Variants in MBTD1 observed in about 807,000 individuals in gnomAD.
The protein encoded by MBTD1 is mbt domain containing 1.
In MBTD1, 24 loss-of-function variants were observed where a neutral mutation model predicts 87.8. The ratio of observed to expected loss-of-function variants is 0.27; its 90% CI spans 0.20 to 0.38. The LOEUF is 0.38. Among genes scored for constraint, MBTD1 ranks in the 10% least tolerant of loss-of-function variants. The pLI is 1.00. For missense variants in MBTD1, 436 were observed against 760.2 expected, an observed-to-expected ratio of 0.57 and a Z score of 5.02; for synonymous variants, 237 against 248.6, an observed-to-expected ratio of 0.95 and a Z score of 0.44.
At chr17:51,213,956 A>G (rs1428888565) in intron 6 of MBTD1, among the ~76,000 whole-genome samples, 1 of 152,188 alleles carries the variant, frequency 6.6e-6, no homozygotes, top group Non-Finnish European at 1.5e-5. Flanking sequence ...ATGCTTAAAT[A>G]AAAGGTCTGA....
chr17:51,223,345 CAA>C (rs2053021844), intron 3 of MBTD1, among the ~76,000 whole-genome samples: 1 of 151,096 alleles, frequency 6.6e-6, no homozygotes, highest in Non-Finnish European at 1.5e-5. Context: ...CCAGCCTGGG[CAA>C]TATGGTGAAA....
chr17:51,243,609 A>G (rs1003085363), intron 2 of MBTD1, among the ~76,000 whole-genome samples: 2 of 152,202 alleles, frequency 1.3e-5, no homozygotes, highest in Non-Finnish European at 2.9e-5. Context: ...CAATATCTTT[A>G]TAGCATTTCC....
rs56090765 is a variant in MBTD1 at position 51,207,131 on chromosome 17, T to A, written c.487-126A>T. 2,578 of 532,188 alleles carry A rather than the reference T, an allele frequency of 4.8e-3. 17 individuals carry two copies. The highest frequency in any genetic ancestry group is 5.1e-3 in the Non-Finnish European group (1,566 of 304,650). 33.0% of individuals were successfully genotyped at this position (532,188 alleles called of 1,614,324 possible). ...AAAAATGTCATTTTAATTCCGTTTG[T>A]TTCCTAGAATTCTATCTGGAAAAAG... is the stretch of plus-strand genomic sequence containing the variant. On this transcript the variant is annotated intron_variant, in intron 6 of 16. Coordinates refer to ENST00000586178, the MANE Select transcript of MBTD1 (RefSeq NM_017643.3).
chr17:51,258,458 G>C (rs192870205), intron 2 of MBTD1, among the ~76,000 whole-genome samples: 1 of 151,486 alleles, frequency 6.6e-6, no homozygotes, highest in Admixed American at 6.6e-5. Flanking sequence ...CTCTAAACAA[G>C]TATTAAAATG....
chr17:51,239,412 T>TA (rs1330418561), intron 2 of MBTD1, among the ~76,000 whole-genome samples: 1 of 152,212 alleles, frequency 6.6e-6, no homozygotes, highest in Non-Finnish European at 1.5e-5. Context: ...ATTTATAAGT[T>TA]ACAACAATAC....
chr17:51,199,523 C>T (rs2051336247), intron 12 of MBTD1, among the ~76,000 whole-genome samples: 1 of 151,956 alleles, frequency 6.6e-6, no homozygotes, highest in African/African-American at 2.4e-5. Context: ...CTCACTGCAA[C>T]CTCCCCTTCC....
At chr17:51,248,053 C>T (rs180865654) in intron 2 of MBTD1, among the ~76,000 whole-genome samples, 4 of 152,180 alleles carry the variant, frequency 2.6e-5, no homozygotes, top group Admixed American at 2.6e-4. Context: ...TCTCAATTTC[C>T]TCTGTATCCA....
chr17:51,259,876 T>A lies in MBTD1; in HGVS notation c.-154A>T. On this transcript the variant is annotated 5_prime_UTR_variant, in exon 1 of 17. Coordinates refer to ENST00000586178, the MANE Select transcript of MBTD1 (RefSeq NM_017643.3). ...TCCATCAGGGCCTCATGGGTAGGGG[T>A]TGTCCGTGCTCCCCGAGCCCGCGGC... 8 of 1,231,614 alleles carry A rather than the reference T, an allele frequency of 6.5e-6. No individual in the cohort carries two copies. The South Asian group carries it at 2.1e-4, about 32-fold the overall frequency. 76.3% of individuals were successfully genotyped at this position (1,231,614 alleles called of 1,614,324 possible). A position where few individuals can be genotyped will look rare whatever the true frequency, so the allele number is the denominator to read the frequency against.
intron 16 of MBTD1, among the ~76,000 whole-genome samples, chr17:51,187,985 A>G (rs924587261): frequency 1.3e-5 from 2 of 152,216 alleles, no homozygotes; most frequent in African/African-American, 4.8e-5. Flanking sequence ...CAAAATCAAA[A>G]CTAAAAGGTA....
chr17:51,229,581 T>G (rs2053435952), intron 2 of MBTD1, among the ~76,000 whole-genome samples: 1 of 152,142 alleles, frequency 6.6e-6, no homozygotes. Flanking sequence ...ATGGAAATAT[T>G]ACATTACCAA....
intron 12 of MBTD1, among the ~76,000 whole-genome samples, chr17:51,200,707 T>A (rs994770058): frequency 6.7e-6 from 1 of 149,692 alleles, no homozygotes; most frequent in Non-Finnish European, 1.5e-5. Context: ...CTACAAAATA[T>A]ACAAAAATTA....
intron 3 of MBTD1, among the ~76,000 whole-genome samples, chr17:51,223,394 G>A (rs1203790873): frequency 6.6e-6 from 1 of 151,800 alleles, no homozygotes; most frequent in East Asian, 2.0e-4. Context: ...AAATTAGCCA[G>A]GTATGGTAGC....
chr17:51,219,039 C>T lies in MBTD1; in HGVS notation c.294G>A (p.Lys98=). The T allele has an allele frequency of 6.5e-7, 1 of 1,528,412 alleles. No individual in the cohort carries two copies. Among genetic ancestry groups the T allele is most frequent in the Non-Finnish European group, 8.9e-7 (1 of 1,126,018 alleles). 94.7% of individuals were successfully genotyped at this position (1,528,412 alleles called of 1,614,324 possible). The change falls in exon 5 of 17, where the codon AAG becomes AAA. Residue 98 remains lysine, a synonymous_variant. Transcript: ENST00000586178. ...KASILARLQG[K]PPTKKAKVLQ... is the part of the protein sequence containing the mutation. ...GAACTTTTGCTTTCTTTGTTGGAGG[C>T]TTACCCTAAAACAAGAAAAGTTAAG...
At chr17:51,221,924 G>A (rs548854037) in intron 3 of MBTD1, among the ~76,000 whole-genome samples, 2 of 152,290 alleles carry the variant, frequency 1.3e-5, no homozygotes, top group South Asian at 4.1e-4. Context: ...ACAAATCTAT[G>A]AGAAATCATG....
rs1313212296 is a variant in MBTD1 at position 51,179,504 on chromosome 17, A to ATT, written c.*1071_*1072insAA. The ATT allele has an allele frequency of 2.1e-3, 169 of 80,158 alleles. 10 individuals carry two copies. Among genetic ancestry groups the ATT allele is most frequent in the Middle Eastern group, 5.9e-3 (1 of 170 alleles). The allele number at this position is 80,158 out of a possible 1,614,324, so 5.0% of individuals were successfully genotyped here. On this transcript the variant is annotated 3_prime_UTR_variant, in exon 17 of 17. Coordinates refer to ENST00000586178, the MANE Select transcript of MBTD1 (RefSeq NM_017643.3). ...CAATTTTATATATATATATATATAT[A>ATT]TATATATATATATATATATATATAT...
chr17:51,242,534 T>C (rs1598418611), intron 2 of MBTD1, among the ~76,000 whole-genome samples: 1 of 152,348 alleles, frequency 6.6e-6, no homozygotes, highest in East Asian at 1.9e-4. Context: ...AATGTGGTTG[T>C]TACTGATTTG....
intron 2 of MBTD1, among the ~76,000 whole-genome samples, chr17:51,226,240 G>A (rs1158143941): frequency 6.6e-6 from 1 of 151,344 alleles, no homozygotes; most frequent in Non-Finnish European, 1.5e-5. Flanking sequence ...GGCCAGGCAT[G>A]GTGGCTCACT....
chr17:51,229,298 G>GC (rs2053423368), intron 2 of MBTD1, among the ~76,000 whole-genome samples: 1 of 148,178 alleles, frequency 6.7e-6, no homozygotes, highest in African/African-American at 2.5e-5. Context: ...CACAGATACA[G>GC]TTTTTTTTTT....
chr17:51,256,123 C>A (rs2055073564), intron 2 of MBTD1, among the ~76,000 whole-genome samples: 1 of 152,136 alleles, frequency 6.6e-6, no homozygotes, highest in South Asian at 2.1e-4. Flanking sequence ...AGAAGGAAAG[C>A]CTGGGAACAC....
Sources: allele counts gnomAD v4.1 joint callset (sites outside exome capture counted in the v4.1 genomes callset), GRCh38; gene constraint gnomAD v4.1.1; transcripts MANE v1.5; gene names NCBI Gene and HGNC (gene_info 2026-07-23, HGNC 2026-07-21).